MBNL1: variants seen among roughly 807,000 people sequenced by gnomAD.
The protein encoded by MBNL1 is muscleblind-like protein 1.
A neutral mutation model predicts 42.2 loss-of-function variants in MBNL1; 8 were observed. The ratio of observed to expected loss-of-function variants is 0.19; its 90% CI spans 0.11 to 0.34. MBNL1 has a LOEUF of 0.34. Among genes scored for constraint, MBNL1 ranks in the 10% least tolerant of loss-of-function variants. The pLI, the probability that MBNL1 is intolerant of heterozygous loss-of-function variation, is 1.00. For missense variants in MBNL1, 309 were observed against 495.3 expected (o/e 0.62, Z 3.57); for synonymous variants, 169 against 173.9 (o/e 0.97, Z 0.22).
intron 2 of MBNL1, among the ~76,000 whole-genome samples, chr3:152,305,667 A>C (rs1226065163): frequency 6.6e-6 from 1 of 152,160 alleles, no homozygotes; most frequent in African/African-American, 2.4e-5. Flanking sequence ...GTAGCAACTT[A>C]AGTAAAAGCA....
intron 2 of MBNL1, among the ~76,000 whole-genome samples, chr3:152,350,808 C>CT (rs552703569): frequency 3.9e-5 from 6 of 152,132 alleles, no homozygotes; most frequent in African/African-American, 1.4e-4. Flanking sequence ...TTTCTTTACT[C>CT]TTTTTAAAAA....
intron 3 of MBNL1, among the ~76,000 whole-genome samples, chr3:152,428,757 A>G (rs184524215): frequency 2.0e-3 from 301 of 152,310 alleles, no homozygotes; most frequent in Non-Finnish European, 3.7e-3. Context: ...ACGGTTTAAA[A>G]GTCCTCCGGA....
chr3:152,452,906 G>T (rs1365396784), intron 6 of MBNL1, among the ~76,000 whole-genome samples: 3 of 152,080 alleles, frequency 2.0e-5, no homozygotes, highest in Admixed American at 2.0e-4. Flanking sequence ...GCAACGAAAG[G>T]CCAGGAAACT....
intron 6 of MBNL1, among the ~76,000 whole-genome samples, chr3:152,455,082 CA>C (rs1730951602): frequency 6.6e-6 from 1 of 151,962 alleles, no homozygotes; most frequent in Admixed American, 6.6e-5. Context: ...CAGTTTTGTA[CA>C]TTGAATTATT....
rs1374662072 is a variant in MBNL1, at chr3:152,447,723, A to C, written c.911A>C (p.Gln304Pro). 6.2e-7 allele frequency: 1 copy of C among 1,613,870 alleles called. No individual in the cohort carries two copies. Among genetic ancestry groups the C allele is most frequent in the Non-Finnish European group, 8.5e-7 (1 of 1,179,776 alleles). ...VFNTGIFQYQ[Q>P]ALANMQLQQH... is the part of the protein sequence containing the mutation. ...AACACTGGTATTTTCCAATACCAAC[A>C]GGCTCTAGCCAACATGCAGTTACAA... is the stretch of plus-strand genomic sequence containing the variant. The change falls in exon 6 of 10, where the codon CAG becomes CCG. Residue 304 changes from glutamine (Q) to proline (P), a missense_variant. Transcript: ENST00000324210.
At chr3:152,321,268 A>C (rs1455341843) in intron 2 of MBNL1, among the ~76,000 whole-genome samples, 1 of 152,102 alleles carries the variant, frequency 6.6e-6, no homozygotes, top group Non-Finnish European at 1.5e-5. Context: ...AAGAGTTAGA[A>C]TAGAGTAATT....
chr3:152,440,625 A>C (rs1306019544), intron 4 of MBNL1, among the ~76,000 whole-genome samples: 2 of 152,154 alleles, frequency 1.3e-5, no homozygotes, highest in Admixed American at 6.5e-5. Context: ...CATATCACCA[A>C]CTGAAACTAG....
At chr3:152,291,975 A>T (rs1240169608) in intron 1 of MBNL1, among the ~76,000 whole-genome samples, 1 of 152,038 alleles carries the variant, frequency 6.6e-6, no homozygotes. Flanking sequence ...TTCTGTAGAG[A>T]TGGGGTCTCA....
At chr3:152,319,769 A>T (rs529837464) in intron 2 of MBNL1, among the ~76,000 whole-genome samples, 1 of 152,136 alleles carries the variant, frequency 6.6e-6, no homozygotes, top group African/African-American at 2.4e-5. Context: ...TTTAAATTCT[A>T]TATGGCCAAT....
chr3:152,445,448 C>G lies in MBNL1; in HGVS notation c.716C>G (p.Pro239Arg). Residue 239 changes from proline to arginine, a missense_variant, in exon 5 of 10, where the codon CCC (proline) becomes CGC (arginine). Pro to Arg is a moderately radical substitution (Grantham distance 103). Transcript: ENST00000324210. The stretch of plus-strand genomic sequence containing the variant: ...CGGGAAAAGTGCAAATACTTTCATC[C>G]CCCTGCACATTTGCAAGCCAAGATC... ...CSREKCKYFH[P>R]PAHLQAKIKA... The G allele has an allele frequency of 6.2e-7, 1 of 1,614,072 alleles. No individual in the cohort carries two copies. Among genetic ancestry groups the G allele is most frequent in the South Asian group, 1.1e-5 (1 of 91,078 alleles).
At chr3:152,363,068 CTA>C (rs1275895644) in intron 2 of MBNL1, among the ~76,000 whole-genome samples, 4 of 151,966 alleles carry the variant, frequency 2.6e-5, no homozygotes, top group African/African-American at 9.7e-5. Flanking sequence ...TTTAAAAATT[CTA>C]TGTTTTGACA....
Position 152,299,428 on chromosome 3 carries a change from C to T in MBNL1, c.-766C>T. ...AGGTTGGTACTAAGAAGTGCCTTTC[C>T]TGACGTCTCTGCTGCTTGGAACCGC... On this transcript the variant is annotated 5_prime_UTR_variant, in exon 2 of 10. Transcript: ENST00000324210. The T allele has an allele frequency of 2.9e-6, 1 of 346,194 alleles. No homozygotes were observed. The highest frequency in any genetic ancestry group is 5.2e-6 in the Non-Finnish European group (1 of 193,346). 21.4% of individuals were successfully genotyped at this position (346,194 alleles called of 1,614,324 possible). A position where few individuals can be genotyped will look rare whatever the true frequency, so the allele number is the denominator to read the frequency against.
intron 3 of MBNL1, among the ~76,000 whole-genome samples, chr3:152,432,196 A>T (rs944572232): frequency 2.0e-5 from 3 of 152,162 alleles, no homozygotes; most frequent in Non-Finnish European, 4.4e-5. Context: ...CACATACCCC[A>T]TGAGATTTAT....
intron 6 of MBNL1, 109 bp from the exon 7 acceptor site, chr3:152,455,430 TAAC>T (rs1281523358): frequency 2.4e-6 from 2 of 834,000 alleles, no homozygotes; most frequent in South Asian, 1.4e-5. Context: ...GTTCCCATAA[TAAC>T]AATTTTTCTT....
At chr3:152,297,397 G>A (rs941224230) in intron 1 of MBNL1, among the ~76,000 whole-genome samples, 1 of 146,644 alleles carries the variant, frequency 6.8e-6, no homozygotes, top group African/African-American at 2.5e-5. Context: ...GGCCTGGAGT[G>A]CAGTGGCGCA....
At chr3:152,334,668 A>G (rs2088247069) in intron 2 of MBNL1, among the ~76,000 whole-genome samples, 2 of 152,220 alleles carry the variant, frequency 1.3e-5, no homozygotes, top group South Asian at 2.1e-4. Flanking sequence ...AAAATTGCAT[A>G]TGACATTTAT....
At chr3:152,407,352 G>A (rs965295532) in intron 2 of MBNL1, among the ~76,000 whole-genome samples, 1 of 150,716 alleles carries the variant, frequency 6.6e-6, no homozygotes, top group South Asian at 2.1e-4. Context: ...AGAAAGTTAA[G>A]CTTTAAATAT....
intron 2 of MBNL1, among the ~76,000 whole-genome samples, chr3:152,318,605 A>T (rs1258239750): frequency 6.6e-6 from 1 of 152,178 alleles, no homozygotes; most frequent in Non-Finnish European, 1.5e-5. Context: ...GTGGGTTTAC[A>T]GATTCTCTTC....
chr3:152,353,972 A>G (rs2095313849), intron 2 of MBNL1, among the ~76,000 whole-genome samples: 1 of 152,162 alleles, frequency 6.6e-6, no homozygotes, highest in South Asian at 2.1e-4. Flanking sequence ...TGAAAGAGGT[A>G]ATTTGGTTGC....
Sources: gnomAD v4.1 joint callset for allele counts (sites outside exome capture counted in the v4.1 genomes callset) on GRCh38, gnomAD v4.1.1 for gene constraint, MANE v1.5 for transcripts, NCBI Gene and HGNC (gene_info 2026-07-23, HGNC 2026-07-21) for gene names.